SLIT1: variants seen among roughly 807,000 people sequenced by gnomAD.
SLIT1 encodes the protein slit homolog 1 protein.
Under a neutral mutation model 186.1 loss-of-function variants are expected in SLIT1, and 66 were observed. That is an observed-to-expected ratio of 0.35 (90% CI 0.29 to 0.44). The LOEUF (loss-of-function observed/expected upper bound fraction) is 0.44, where lower values mean the gene tolerates loss of function less well. Among genes scored for constraint, SLIT1 ranks in the 20% least tolerant of loss-of-function variants. The pLI, the probability that SLIT1 is intolerant of heterozygous loss-of-function variation, is 1.00. For missense variants in SLIT1, 1,638 were observed against 2,037.4 expected (o/e 0.80, Z 3.77); for synonymous variants, 761 against 833.8 (o/e 0.91, Z 1.50).
chr10:97,006,791 A>G lies in SLIT1; in HGVS notation c.3342-71T>C. The G allele has an allele frequency of 9.8e-7, 1 of 1,023,994 alleles. No individual in the cohort carries two copies. Among genetic ancestry groups the G allele is most frequent in the Non-Finnish European group, 1.5e-6 (1 of 667,520 alleles). 63.4% of individuals were successfully genotyped at this position (1,023,994 alleles called of 1,614,324 possible). A position where few individuals can be genotyped will look rare whatever the true frequency, so the allele number is the denominator to read the frequency against. ...GTATCTTCCTCTCCCACAGCCCTGGAGAGAAATTCACTAAACATCTTGGGA... is the reference window on the plus strand; with the variant it reads ...GTATCTTCCTCTCCCACAGCCCTGGGGAGAAATTCACTAAACATCTTGGGA... On this transcript the variant is annotated intron_variant, in intron 31 of 36. Transcript: ENST00000266058. This position sits in a 1 kb window ranked among gnomAD's most constrained non-coding sequence, Gnocchi z 4.0.
At position 97,002,143 on chromosome 10, in the gene SLIT1, A is replaced by G. The variant is rs1246529080; in HGVS notation, c.4366+15T>C. On this transcript the variant is annotated intron_variant, in intron 36 of 36. Coordinates refer to ENST00000266058, the MANE Select transcript of SLIT1 (RefSeq NM_003061.3). ...GGGACCCTGGGGAGGGCACGTCAGG[A>G]GGGGGGCCCCTGACCTTGCTCACAC... 1.3e-5 allele frequency: 18 copies of G among 1,420,574 alleles called. No individual in the cohort carries two copies. The highest frequency in any genetic ancestry group is 2.9e-5 in the Admixed American group (1 of 35,036). 88.0% of individuals were successfully genotyped at this position (1,420,574 alleles called of 1,614,324 possible).
chr10:97,066,123 T>C (rs1188578378), intron 4 of SLIT1, 37 bp from the exon 5 acceptor site: 1 of 1,516,570 alleles, frequency 6.6e-7, no homozygotes, highest in Admixed American at 1.8e-5. Context: ...AAAACACCGG[T>C]CAGAAAAGAG....
intron 28 of SLIT1, among the ~76,000 whole-genome samples, chr10:97,014,656 C>T (rs892940915): frequency 2.0e-5 from 3 of 152,150 alleles, no homozygotes; most frequent in Admixed American, 6.5e-5. Flanking sequence ...CACCTGAGGT[C>T]AGGAGTTGGA....
At chr10:97,059,242 G>A (rs775146709) in intron 11 of SLIT1, among the ~76,000 whole-genome samples, 28 of 152,358 alleles carry the variant, frequency 1.8e-4, no homozygotes, top group East Asian at 3.9e-4. Flanking sequence ...CACTTCTCCC[G>A]CTCCCAGCGT....
chr10:97,152,427 C>A (rs896116654), intron 4 of SLIT1, among the ~76,000 whole-genome samples: 3 of 146,570 alleles, frequency 2.0e-5, no homozygotes, highest in Non-Finnish European at 4.5e-5. Context: ...TCCGAAGTAG[C>A]CCTGATGTGG....
chr10:97,061,826 T>A (rs1420314469), intron 8 of SLIT1, among the ~76,000 whole-genome samples: 1 of 152,228 alleles, frequency 6.6e-6, no homozygotes, highest in African/African-American at 2.4e-5. Flanking sequence ...CCTTAGTGGA[T>A]CCTGCTAGAC....
At chr10:97,039,876 T>C in intron 21 of SLIT1, 112 bp downstream of exon 21, 2 of 1,246,252 alleles carry the variant, frequency 1.6e-6, no homozygotes, top group Non-Finnish European at 2.2e-6. Flanking sequence ...AGCTAATGCC[T>C]GCTCTTGGTC....
intron 4 of SLIT1, among the ~76,000 whole-genome samples, chr10:97,140,346 A>G (rs1306724367): frequency 1.3e-5 from 2 of 151,976 alleles, no homozygotes; most frequent in African/African-American, 4.8e-5. Context: ...CTCCCCAACA[A>G]GGGGCTAAGC....
At chr10:97,126,613 TGACA>T (rs1849605871) in intron 4 of SLIT1, among the ~76,000 whole-genome samples, 1 of 152,232 alleles carries the variant, frequency 6.6e-6, no homozygotes, top group African/African-American at 2.4e-5. Flanking sequence ...TCTTGTTGAC[TGACA>T]GATTCCAACA....
At chr10:97,037,825 TG>T in intron 21 of SLIT1, 59 bp from the exon 22 acceptor site, 1 of 1,438,294 alleles carries the variant, frequency 7.0e-7, no homozygotes. Context: ...TGCCCCATGC[TG>T]GGGACAGCCT....
intron 24 of SLIT1, among the ~76,000 whole-genome samples, chr10:97,031,085 G>C (rs1848586692): frequency 6.6e-6 from 1 of 152,218 alleles, no homozygotes; most frequent in Non-Finnish European, 1.5e-5. Context: ...CGTGCACCCA[G>C]AGCCCTCCCT....
chr10:97,166,557 A>AGGAAGGAAGGAAGGAAGGAG (rs1283710320), intron 1 of SLIT1, among the ~76,000 whole-genome samples: 1 of 55,192 alleles, frequency 1.8e-5, no homozygotes, highest in South Asian at 8.3e-4. Context: ...GAAGGAAGGA[A>AGGAAGGAAGGAAGGAAGGAG]AGAGAGAGAG....
chr10:97,126,984 A>T (rs1362707731), intron 4 of SLIT1, among the ~76,000 whole-genome samples: 1 of 152,132 alleles, frequency 6.6e-6, no homozygotes, highest in African/African-American at 2.4e-5. Flanking sequence ...CATCTACGCC[A>T]TTCTCAGGCT....
At chr10:97,179,860 C>T (rs750832216) in intron 1 of SLIT1, among the ~76,000 whole-genome samples, 6 of 150,608 alleles carry the variant, frequency 4.0e-5, no homozygotes, top group Non-Finnish European at 5.9e-5. Flanking sequence ...CCATCATCTG[C>T]TCTGGGTAAT....
chr10:97,178,525 G>T (rs552879965), intron 1 of SLIT1, among the ~76,000 whole-genome samples: 1 of 152,184 alleles, frequency 6.6e-6, no homozygotes, highest in African/African-American at 2.4e-5. Context: ...TGCCATGTGC[G>T]ATCCTGGCAG....
chr10:97,011,235 G>T, intron 30 of SLIT1, 105 bp from the exon 31 acceptor site: 2 of 783,504 alleles, frequency 2.6e-6, no homozygotes, highest in Non-Finnish European at 4.3e-6. Flanking sequence ...ATGTGAGGGA[G>T]AACCTCAAGT....
intron 18 of SLIT1, among the ~76,000 whole-genome samples, chr10:97,045,090 C>T (rs1211436036): frequency 1.3e-5 from 2 of 152,208 alleles, no homozygotes; most frequent in African/African-American, 4.8e-5. Context: ...TCCATGCTGG[C>T]ACCCTGGTCT....
intron 13 of SLIT1, among the ~76,000 whole-genome samples, chr10:97,053,285 G>C (rs1170104440): frequency 6.6e-6 from 1 of 152,168 alleles, no homozygotes; most frequent in Non-Finnish European, 1.5e-5. Flanking sequence ...CATTCTGCCA[G>C]CTGCTTAAAA....
In SLIT1 at chr10:97,060,667, G is replaced by A; in HGVS notation, c.914C>T (p.Ala305Val). ...CTCCGTCATGGTCTCGGGCAGGTTG[G>A]CCGGGATGGCAGTGAGGCCTTTTCC... The part of the protein sequence containing the change: ...CRGKGLTAIP[A>V]NLPETMTEIR... Residue 305 changes from alanine (A) to valine (V), a missense_variant, in exon 9 of 37, where the codon GCC (alanine) becomes GTC (valine). Transcript: ENST00000266058. 2 of 1,613,326 alleles carry A rather than the reference G, an allele frequency of 1.2e-6. No homozygotes were observed. Among genetic ancestry groups the A allele is most frequent in the Non-Finnish European group, 8.5e-7 (1 of 1,180,036 alleles).
Sources: gnomAD v4.1 joint callset for allele counts (sites outside exome capture counted in the v4.1 genomes callset) on GRCh38, gnomAD v4.1.1 for gene constraint, Gnocchi (gnomAD v3.1) non-coding constraint, MANE v1.5 for transcripts, NCBI Gene and HGNC (gene_info 2026-07-23, HGNC 2026-07-21) for gene names.